C8orf34: variants seen among roughly 807,000 people sequenced by gnomAD.
The protein encoded by C8orf34 is chromosome 8 open reading frame 34, also known as uncharacterized protein C8orf34.
Under a neutral mutation model 68.3 loss-of-function variants are expected in C8orf34, and 65 were observed. The ratio of observed to expected loss-of-function variants is 0.95; its 90% confidence interval spans 0.78 to 1.17. C8orf34 has a LOEUF of 1.17. C8orf34 is among the 50% of genes most tolerant of loss of function. C8orf34 has a pLI of 0.00. For synonymous variants in C8orf34, 244 were observed against 241.2 expected (o/e 1.01, Z -0.11); for missense variants, 664 against 655.4 (o/e 1.01, Z -0.14).
chr8:68,382,027 A>G (rs1003738902), intron 1 of C8orf34, among the ~76,000 whole-genome samples: 8 of 152,208 alleles, frequency 5.3e-5, no homozygotes, highest in Non-Finnish European at 1.2e-4. Flanking sequence ...GAAATTTTCA[A>G]TTAGAAACAT....
chr8:68,783,152 C>T (rs981155289), intron 11 of C8orf34, among the ~76,000 whole-genome samples: 8 of 151,896 alleles, frequency 5.3e-5, no homozygotes, highest in Non-Finnish European at 8.8e-5. Context: ...GTGAGGGCCC[C>T]AAAATTACTA....
chr8:68,510,739 A>G (rs1814232157), intron 5 of C8orf34, among the ~76,000 whole-genome samples: 2 of 152,182 alleles, frequency 1.3e-5, no homozygotes, highest in South Asian at 2.1e-4. Context: ...TTATTTCTAC[A>G]TTGGCCTTTT....
intron 5 of C8orf34, among the ~76,000 whole-genome samples, chr8:68,513,608 A>AAGG (rs61343265): frequency 0.24 from 36,847 of 152,114 alleles, 7,336 homozygotes; most frequent in African/African-American, 0.55. Context: ...CGGGGTAGAG[A>AAGG]AGAAGAAAAA....
chr8:68,407,899 T>C (rs1809267464), intron 1 of C8orf34, among the ~76,000 whole-genome samples: 4 of 152,166 alleles, frequency 2.6e-5, no homozygotes, highest in Admixed American at 2.6e-4. Flanking sequence ...GATTTCTTAT[T>C]TTTCATGACA....
At chr8:68,492,855 A>T (rs1813373288) in intron 5 of C8orf34, among the ~76,000 whole-genome samples, 1 of 151,840 alleles carries the variant, frequency 6.6e-6, no homozygotes, top group Non-Finnish European at 1.5e-5. Flanking sequence ...CACTGCTTCA[A>T]GAAGTAGCCC....
intron 1 of C8orf34, among the ~76,000 whole-genome samples, chr8:68,393,666 C>G (rs766988681): frequency 3.3e-5 from 5 of 152,122 alleles, no homozygotes; most frequent in East Asian, 1.9e-4. Flanking sequence ...AGAGAACTGA[C>G]AAGCGATGAA....
chr8:68,377,842 A>T (rs1045077757), intron 1 of C8orf34, among the ~76,000 whole-genome samples: 10 of 152,198 alleles, frequency 6.6e-5, no homozygotes, highest in Non-Finnish European at 1.0e-4. Flanking sequence ...GGGAGGCCTC[A>T]GGAAACTTAC....
chr8:68,645,849 A>C (rs1211087960), intron 8 of C8orf34, among the ~76,000 whole-genome samples: 1 of 151,980 alleles, frequency 6.6e-6, no homozygotes, highest in African/African-American at 2.4e-5. Context: ...TAAACTACTC[A>C]TAGGGTTATA....
intron 5 of C8orf34, among the ~76,000 whole-genome samples, chr8:68,521,142 G>A (rs1442084031): frequency 6.6e-6 from 1 of 152,150 alleles, no homozygotes; most frequent in Non-Finnish European, 1.5e-5. Context: ...TAGATTATAA[G>A]TATTGCTTTT....
intron 7 of C8orf34, chr8:68,534,589 G>T: frequency 1.0e-6 from 1 of 969,286 alleles, no homozygotes; most frequent in Non-Finnish European, 1.2e-6. Flanking sequence ...TAGAGAAGCC[G>T]ATTACTCTGG....
intron 7 of C8orf34, among the ~76,000 whole-genome samples, chr8:68,630,713 T>C (rs1455802527): frequency 6.6e-6 from 1 of 152,108 alleles, no homozygotes; most frequent in Admixed American, 6.6e-5. Context: ...AGTCCTACAA[T>C]TAATGTTTAT....
intron 1 of C8orf34, among the ~76,000 whole-genome samples, chr8:68,403,872 G>T (rs1330460151): frequency 6.6e-6 from 1 of 152,144 alleles, no homozygotes; most frequent in Non-Finnish European, 1.5e-5. Context: ...ATGGCAGAAT[G>T]ATTTATAACC....
rs141970251 is a variant in C8orf34, at chr8:68,703,956, T to C, written c.1242-5038T>C. ...TTTCAAGGGAATATAATTATAAGTA[T>C]ACTATAGTATTCTATACAAAATCCC... On this transcript the variant is annotated intron_variant, in intron 8 of 13. Coordinates refer to ENST00000518698, the MANE Select transcript of C8orf34 (RefSeq NM_052958.4). Among the ~76,000 whole-genome samples the C allele has an allele frequency of 5.4e-3, 825 of 152,280 alleles. 7 individuals carry two copies. Among genetic ancestry groups the C allele is most frequent in the Middle Eastern group, 0.01 (3 of 294 alleles).
At chr8:68,494,893 T>A (rs904593435) in intron 5 of C8orf34, among the ~76,000 whole-genome samples, 7 of 150,838 alleles carry the variant, frequency 4.6e-5, no homozygotes, top group African/African-American at 1.5e-4. Flanking sequence ...AAAAAATATA[T>A]ATCTCTCTCA....
At chr8:68,341,780 C>T (rs77043768) in intron 1 of C8orf34, among the ~76,000 whole-genome samples, 2 of 152,190 alleles carry the variant, frequency 1.3e-5, no homozygotes, top group Non-Finnish European at 2.9e-5. Flanking sequence ...GAAGCTGAGC[C>T]GATGCCAGTG....
intron 8 of C8orf34, among the ~76,000 whole-genome samples, chr8:68,671,520 A>T (rs1393383427): frequency 6.6e-6 from 1 of 152,192 alleles, no homozygotes; most frequent in Non-Finnish European, 1.5e-5. Context: ...GTTCTAATGG[A>T]GAGAAGTAGA....
chr8:68,619,992 A>C (rs1037901322), intron 7 of C8orf34, among the ~76,000 whole-genome samples: 2 of 152,170 alleles, frequency 1.3e-5, no homozygotes, highest in African/African-American at 4.8e-5. Flanking sequence ...GAGGATTAGA[A>C]GTGAAGAGGA....
At chr8:68,410,290 G>C (rs1207218770) in intron 1 of C8orf34, among the ~76,000 whole-genome samples, 1 of 151,928 alleles carries the variant, frequency 6.6e-6, no homozygotes, top group Non-Finnish European at 1.5e-5. Context: ...GTACCTGTGG[G>C]CTCTGCATCA....
chr8:68,599,885 C>G (rs1817649353), intron 7 of C8orf34, among the ~76,000 whole-genome samples: 1 of 151,952 alleles, frequency 6.6e-6, no homozygotes, highest in South Asian at 2.1e-4. Flanking sequence ...CACACACAAA[C>G]ACACACAAAC....
Sources: allele counts gnomAD v4.1 joint callset (sites outside exome capture counted in the v4.1 genomes callset), GRCh38; gene constraint gnomAD v4.1.1; transcripts MANE v1.5; gene names NCBI Gene and HGNC (gene_info 2026-07-23, HGNC 2026-07-21).